Variants in DMD observed in about 807,000 individuals in gnomAD.
DMD encodes the protein dystrophin.
Under a neutral mutation model 330.1 loss-of-function variants are expected in DMD, and 63 were observed. That is an observed-to-expected ratio of 0.19 (90% CI 0.16 to 0.24). The LOEUF (loss-of-function observed/expected upper bound fraction) is 0.24. DMD is among the 10% of genes least tolerant of loss of function. DMD has a pLI of 1.00. For missense variants in DMD, 3,344 were observed against 2,684.1 expected (o/e 1.25, Z -5.43); for synonymous variants, 1,223 against 959.8 (o/e 1.27, Z -5.07).
In DMD at chrX:32,235,013, T is replaced by C. The variant is rs143175507; in HGVS notation, c.6291-17950A>G. Among the ~76,000 whole-genome samples the C allele has an allele frequency of 6.2e-3, 696 of 112,115 alleles. 6 individuals carry two copies. The highest frequency in any genetic ancestry group is 0.021 in the African/African-American group (647 of 30,864). ...ACCCTTTTGGCACCAGGAACTGATTTTGTGGAAGACAATTTTTCCGTGGAC... is the reference window on the plus strand; with the variant it reads ...ACCCTTTTGGCACCAGGAACTGATTCTGTGGAAGACAATTTTTCCGTGGAC... On this transcript the variant is annotated intron_variant, in intron 43 of 78. Coordinates refer to ENST00000357033, the MANE Select transcript of DMD (RefSeq NM_004006.3).
intron 44 of DMD, among the ~76,000 whole-genome samples, chrX:32,212,036 C>T (rs555249016): frequency 1.8e-5 from 2 of 111,895 alleles, no homozygotes; most frequent in Admixed American, 1.9e-4. Flanking sequence ...GACTTGAAAG[C>T]ACACAAATTC....
chrX:31,260,787 G>A (rs2050432391), intron 63 of DMD, among the ~76,000 whole-genome samples, 168 bp downstream of exon 63: 1 of 111,894 alleles, frequency 8.9e-6, no homozygotes, highest in African/African-American at 3.2e-5. Context: ...AGGAACCTCT[G>A]ATAAAAAGAA....
chrX:32,480,341 T>C (rs751620246), intron 21 of DMD, among the ~76,000 whole-genome samples: 1 of 108,926 alleles, frequency 9.2e-6, no homozygotes, highest in East Asian at 2.9e-4. Flanking sequence ...TTTTGGAAAA[T>C]AGTATGAGGT....
chrX:32,630,832 A>C (rs766436143), intron 11 of DMD, among the ~76,000 whole-genome samples: 66 of 111,739 alleles, frequency 5.9e-4, no homozygotes, highest in African/African-American at 2.0e-3. Context: ...GCGATGCCTT[A>C]TTTAGTTCAG....
chrX:32,627,122 G>A (rs1221017538), intron 11 of DMD, among the ~76,000 whole-genome samples: 1 of 97,670 alleles, frequency 1.0e-5, no homozygotes, highest in African/African-American at 4.6e-5. Context: ...AACATCCAGG[G>A]TTGAGAACGA....
chrX:32,792,031 A>G (rs756391589), intron 7 of DMD, among the ~76,000 whole-genome samples: 2 of 112,112 alleles, frequency 1.8e-5, no homozygotes, highest in South Asian at 7.3e-4. Flanking sequence ...CCATCAGATT[A>G]ACAGTGAATT....
At chrX:32,418,251 C>A (rs1346108969) in intron 29 of DMD, among the ~76,000 whole-genome samples, 1 of 111,049 alleles carries the variant, frequency 9.0e-6, no homozygotes, top group South Asian at 3.8e-4. Flanking sequence ...CTAACACAGT[C>A]CACGAATTCA....
intron 48 of DMD, among the ~76,000 whole-genome samples, chrX:31,845,936 A>C (rs1001213947): frequency 1.8e-5 from 2 of 111,445 alleles, no homozygotes; most frequent in Non-Finnish European, 3.8e-5. Context: ...TTGGAGGTAA[A>C]AATAGTAGTT....
chrX:33,128,146 C>A (rs1395025975), intron 1 of DMD: 4 of 1,207,692 alleles, frequency 3.3e-6, no homozygotes, highest in Non-Finnish European at 4.5e-6. Flanking sequence ...CTTTTACTCA[C>A]CAGATGAGAC....
intron 7 of DMD, among the ~76,000 whole-genome samples, chrX:32,714,241 A>C (rs777182877): frequency 1.8e-5 from 2 of 111,376 alleles, no homozygotes; most frequent in Non-Finnish European, 3.8e-5. Context: ...TGTAGTGATC[A>C]AGTCTCGGCT....
intron 64 of DMD, among the ~76,000 whole-genome samples, chrX:31,219,722 C>T (rs1343762289): frequency 1.8e-5 from 2 of 109,903 alleles, no homozygotes; most frequent in African/African-American, 3.3e-5. Context: ...TTCTCATACT[C>T]ATATAAATAC....
intron 55 of DMD, among the ~76,000 whole-genome samples, chrX:31,509,754 C>G (rs1254712996): frequency 8.9e-6 from 1 of 111,843 alleles, no homozygotes; most frequent in Non-Finnish European, 1.9e-5. Flanking sequence ...GTTGTATTAT[C>G]AACAAATAAA....
chrX:31,447,201 CT>C (rs201350644), intron 59 of DMD, among the ~76,000 whole-genome samples: 2 of 97,333 alleles, frequency 2.1e-5, no homozygotes, highest in Non-Finnish European at 4.2e-5. Context: ...CCCTTTTCCT[CT>C]TTTTTTTTCT....
chrX:32,848,599 T>TA (rs1160294665), intron 3 of DMD, among the ~76,000 whole-genome samples: 1 of 67,600 alleles, frequency 1.5e-5, no homozygotes, highest in African/African-American at 1.1e-4. Context: ...TAGCTGAAGA[T>TA]AAAAAATGAA....
chrX:31,180,311 C>G (rs754348504), intron 69 of DMD, 59 bp downstream of exon 69: 1 of 830,139 alleles, frequency 1.2e-6, no homozygotes. Context: ...CAGTATTGTA[C>G]AAAACTGAAA....
chrX:32,558,229 C>T (rs182894817), intron 16 of DMD, among the ~76,000 whole-genome samples: 246 of 111,174 alleles, frequency 2.2e-3, no homozygotes, highest in African/African-American at 7.6e-3. Flanking sequence ...ATATTAAATA[C>T]GGAATTTGAG....
chrX:32,413,585 G>A (rs146698479), intron 29 of DMD, among the ~76,000 whole-genome samples: 1,832 of 110,015 alleles, frequency 0.017, 41 homozygotes, highest in African/African-American at 0.058. Context: ...TTTCTTCACT[G>A]GCATTTTACT....
chrX:32,724,842 A>G (rs1452569505), intron 7 of DMD, among the ~76,000 whole-genome samples: 4 of 112,109 alleles, frequency 3.6e-5, no homozygotes, highest in Non-Finnish European at 7.5e-5. Context: ...TACTGAGATT[A>G]AAAAATGTTT....
intron 1 of DMD, among the ~76,000 whole-genome samples, chrX:33,184,616 T>A (rs1168304576): frequency 3.6e-5 from 4 of 111,048 alleles, no homozygotes; most frequent in Non-Finnish European, 7.5e-5. Context: ...AATAAAATAA[T>A]AGTGGAATAA....
Sources: allele counts gnomAD v4.1 joint callset (sites outside exome capture counted in the v4.1 genomes callset), GRCh38; gene constraint gnomAD v4.1.1; transcripts MANE v1.5; gene names NCBI Gene and HGNC (gene_info 2026-07-23, HGNC 2026-07-21).